The following ARAP2 variants were observed in gnomAD, a reference collection of about 807,000 sequenced individuals.
ARAP2 encodes the protein ArfGAP with RhoGAP domain, ankyrin repeat and PH domain 2.
Under a neutral mutation model 194.5 loss-of-function variants are expected in ARAP2, and 148 were observed. The observed-to-expected ratio is 0.76, with a 90% CI of 0.67 to 0.87. The LOEUF is 0.87. ARAP2 is among the 40% of genes least tolerant of loss of function. ARAP2 has a pLI of 0.00. For synonymous variants in ARAP2, 695 were observed against 683.5 expected, an observed-to-expected ratio of 1.02 and a Z score of -0.26; for missense variants, 2,128 against 1,989.7, an observed-to-expected ratio of 1.07 and a Z score of -1.32.
Position 36,067,827 on chromosome 4 carries a change from T to A in ARAP2, c.*80A>T. On this transcript the variant is annotated 3_prime_UTR_variant, in exon 33 of 33. Coordinates refer to ENST00000303965, the MANE Select transcript of ARAP2 (RefSeq NM_015230.4). ...ATAGGCAAATTCTTATGAATTATCT[T>A]ATAGTTCAGTTTTGGAGTTACACAT... 1 of 1,455,100 alleles carries A rather than the reference T, an allele frequency of 6.9e-7. No homozygotes were observed. Among genetic ancestry groups the A allele is most frequent in the Non-Finnish European group, 9.2e-7 (1 of 1,090,834 alleles). 90.1% of individuals were successfully genotyped at this position (1,455,100 alleles called of 1,614,324 possible).
rs557925322 is a variant in ARAP2 at position 36,172,901 on chromosome 4, T to C, written c.1857+4926A>G. Among the ~76,000 whole-genome samples the C allele has an allele frequency of 1.1e-4, 17 of 152,294 alleles. No individual in the cohort carries two copies. In the East Asian group the frequency reaches 3.3e-3, roughly 29 times the overall value. ...TTTGAGGCCACCACCTCCATCCTGC[T>C]GCTCCTTTCTGTGCCACACAACCCA... On this transcript the variant is annotated intron_variant, in intron 9 of 32. Transcript: ENST00000303965.
At chr4:36,040,036 T>C (rs1042457254) in intron 5 of ARAP2, among the ~76,000 whole-genome samples, 3 of 152,208 alleles carry the variant, frequency 2.0e-5, no homozygotes, top group Admixed American at 1.3e-4. Context: ...GGGATTTGTA[T>C]GAGAAAGCAC....
At chr4:36,009,913 A>G (rs1446070796) in intron 9 of ARAP2, among the ~76,000 whole-genome samples, 2 of 150,784 alleles carry the variant, frequency 1.3e-5, no homozygotes, top group African/African-American at 2.4e-5. Context: ...TCATCAGTGG[A>G]AAATTTCTAA....
intron 7 of ARAP2, 26 bp downstream of exon 7, chr4:36,193,552 T>G (rs1401169208): frequency 6.6e-7 from 1 of 1,526,020 alleles, no homozygotes; most frequent in Non-Finnish European, 8.8e-7. Flanking sequence ...AAAAAGCAAT[T>G]TTTGAAAACT....
chr4:36,195,669 A>C (rs1181437673), intron 6 of ARAP2, among the ~76,000 whole-genome samples: 2 of 152,188 alleles, frequency 1.3e-5, no homozygotes, highest in African/African-American at 4.8e-5. Context: ...TTACCCCACT[A>C]TTCCCTTTGC....
chr4:36,204,987 C>CAAAAAAAAAA (rs754960122), intron 6 of ARAP2, among the ~76,000 whole-genome samples: 2 of 35,084 alleles, frequency 5.7e-5, no homozygotes, highest in African/African-American at 2.7e-4. Context: ...GACTCCATCT[C>CAAAAAAAAAA]AAAAAAAAAA....
At chr4:36,095,627 G>A (rs1023982703) in intron 27 of ARAP2, among the ~76,000 whole-genome samples, 2 of 152,128 alleles carry the variant, frequency 1.3e-5, no homozygotes, top group African/African-American at 2.4e-5. Context: ...GGGCAAAACT[G>A]ACAATGTGCC....
At chr4:36,105,183 T>A (rs1718054578) in intron 27 of ARAP2, among the ~76,000 whole-genome samples, 1 of 151,874 alleles carries the variant, frequency 6.6e-6, no homozygotes, top group African/African-American at 2.4e-5. Context: ...AGACAGGCAT[T>A]GTGATGAGCA....
At chr4:36,208,379 C>T (rs1746017381) in intron 6 of ARAP2, among the ~76,000 whole-genome samples, 1 of 152,192 alleles carries the variant, frequency 6.6e-6, no homozygotes, top group South Asian at 2.1e-4. Context: ...TGCTTTTATG[C>T]TATAACTGCA....
intron 5 of ARAP2, among the ~76,000 whole-genome samples, chr4:36,036,581 T>C (rs1719968132): frequency 1.3e-5 from 2 of 152,104 alleles, no homozygotes; most frequent in South Asian, 4.1e-4. Flanking sequence ...ACCTTAGGAA[T>C]AAAATAAATT....
chr4:36,135,613 T>A (rs1315316385), intron 19 of ARAP2, among the ~76,000 whole-genome samples: 2 of 151,810 alleles, frequency 1.3e-5, no homozygotes, highest in Admixed American at 6.6e-5. Context: ...ATTGATCTTA[T>A]ATCATCTTTA....
intron 27 of ARAP2, among the ~76,000 whole-genome samples, chr4:36,099,257 T>A (rs1716197728): frequency 6.6e-6 from 1 of 152,162 alleles, no homozygotes; most frequent in Admixed American, 6.6e-5. Flanking sequence ...AGCTGCATAG[T>A]ATTCCATGGT....
intron 1 of ARAP2, among the ~76,000 whole-genome samples, chr4:36,238,679 A>T (rs371268542): frequency 2.0e-5 from 3 of 152,362 alleles, no homozygotes; most frequent in East Asian, 1.9e-4. Flanking sequence ...GGAAGCCTAC[A>T]TTCATTTACA....
intron 28 of ARAP2, among the ~76,000 whole-genome samples, chr4:36,086,163 G>A (rs1385912402): frequency 6.6e-6 from 1 of 152,108 alleles, no homozygotes; most frequent in Non-Finnish European, 1.5e-5. Context: ...CTCAGACACA[G>A]TCCCAACCGA....
chr4:36,080,264 A>G lies in ARAP2; in HGVS notation c.4560T>C (p.Asp1520=), dbSNP rs774073456. The change falls in exon 31 of 33, where the codon GAT becomes GAC. Residue 1520 remains aspartate (D), a synonymous_variant. Transcript: ENST00000303965. Reference sequence around the variant, plus strand: ...TCCACTCCGTCTGAGTTCGTGAACTATCACAACACAGGTGCCTGCAAAACG... The same window carrying G: ...TCCACTCCGTCTGAGTTCGTGAACTGTCACAACACAGGTGCCTGCAAAACG... ...SEKHHWHLCC[D]SSRTQTEWMT... 1.5e-5 allele frequency: 25 copies of G among 1,613,006 alleles called. No individual in the cohort carries two copies. Among genetic ancestry groups the G allele is most frequent in the Non-Finnish European group, 1.5e-5 (18 of 1,179,256 alleles).
chr4:36,234,794 T>A (rs1752150289), intron 1 of ARAP2, among the ~76,000 whole-genome samples: 1 of 152,208 alleles, frequency 6.6e-6, no homozygotes, highest in African/African-American at 2.4e-5. Flanking sequence ...TCACTATTAT[T>A]TTATTATAAT....
At chr4:36,030,796 CG>C (rs1329916384) in intron 5 of ARAP2, among the ~76,000 whole-genome samples, 173 of 28,484 alleles carry the variant, frequency 6.1e-3, no homozygotes, top group African/African-American at 0.011. Flanking sequence ...ACATTGTCTA[CG>C]TTTTTTTTTT....
At chr4:36,161,793 CAA>C (rs869193087) in intron 11 of ARAP2, among the ~76,000 whole-genome samples, 23 of 99,432 alleles carry the variant, frequency 2.3e-4, no homozygotes, top group South Asian at 6.7e-4. Flanking sequence ...TCTGCACTGA[CAA>C]AAAAAAAAAA....
At chr4:36,140,963 C>A (rs1349423106) in intron 19 of ARAP2, among the ~76,000 whole-genome samples, 1 of 151,526 alleles carries the variant, frequency 6.6e-6, no homozygotes, top group Non-Finnish European at 1.5e-5. Flanking sequence ...TTATTAGAAC[C>A]AACAACCTTT....
Sources: gnomAD v4.1 joint callset for allele counts (sites outside exome capture counted in the v4.1 genomes callset) on GRCh38, gnomAD v4.1.1 for gene constraint, MANE v1.5 for transcripts, NCBI Gene and HGNC (gene_info 2026-07-23, HGNC 2026-07-21) for gene names.